LSAMP: variants seen among roughly 807,000 people sequenced by gnomAD.
LSAMP encodes limbic system-associated membrane protein.
In LSAMP, 7 loss-of-function variants were observed where a neutral mutation model predicts 38.6. The observed-to-expected ratio is 0.18, with a 90% CI of 0.10 to 0.34. LSAMP has a LOEUF of 0.34. Ranked by LOEUF, LSAMP falls within the 10% of genes least tolerant of loss-of-function variation. The pLI is 1.00. For missense variants in LSAMP, 313 were observed against 420.0 expected (o/e 0.75, Z 2.23); for synonymous variants, 154 against 166.8 (o/e 0.92, Z 0.59).
chr3:116,066,450 T>C (rs1355511384), intron 2 of LSAMP, among the ~76,000 whole-genome samples: 1 of 152,236 alleles, frequency 6.6e-6, no homozygotes, highest in Non-Finnish European at 1.5e-5. Flanking sequence ...ACTTCACTTG[T>C]AAACTCTTTA....
At chr3:115,871,153 T>C (rs1936021941) in intron 3 of LSAMP, among the ~76,000 whole-genome samples, 1 of 152,166 alleles carries the variant, frequency 6.6e-6, no homozygotes, top group Non-Finnish European at 1.5e-5. Context: ...TTTCTCATTT[T>C]ATGCTGCCTG....
At chr3:116,311,222 G>T (rs1402554540) in intron 1 of LSAMP, among the ~76,000 whole-genome samples, 1 of 151,982 alleles carries the variant, frequency 6.6e-6, no homozygotes, top group Non-Finnish European at 1.5e-5. Flanking sequence ...ATTCCTTCTC[G>T]TTGGAACTAC....
intron 1 of LSAMP, among the ~76,000 whole-genome samples, chr3:116,332,328 A>G (rs2047862468): frequency 6.6e-6 from 1 of 152,168 alleles, no homozygotes; most frequent in African/African-American, 2.4e-5. Context: ...TAAAGATAAA[A>G]TTGTTTGACA....
intron 1 of LSAMP, among the ~76,000 whole-genome samples, chr3:116,244,374 T>C (rs879537760): frequency 6.6e-6 from 1 of 152,212 alleles, no homozygotes; most frequent in Non-Finnish European, 1.5e-5. Flanking sequence ...ATGTCCTGAA[T>C]ATATTTCCCA....
chr3:115,911,510 C>T (rs1405891984), intron 3 of LSAMP, among the ~76,000 whole-genome samples: 1 of 152,054 alleles, frequency 6.6e-6, no homozygotes, highest in Non-Finnish European at 1.5e-5. Context: ...TGCCACCACG[C>T]CTGGCTAATT....
chr3:116,107,588 G>T lies in LSAMP; in HGVS notation c.156-21032C>A, dbSNP rs1313389285. The stretch of plus-strand genomic sequence containing the variant: ...ATTAATCGGACAGGATCAGCAGGGC[G>T]AGCATGTGTGTTTTTAAGAGAATTA... On this transcript the variant is annotated intron_variant, in intron 1 of 6. Coordinates refer to ENST00000490035, the MANE Select transcript of LSAMP (RefSeq NM_002338.5). Among the ~76,000 whole-genome samples the T allele has an allele frequency of 4.6e-5, 7 of 152,158 alleles. No homozygotes were observed. In the South Asian group the frequency reaches 1.2e-3, roughly 27 times the overall value.
chr3:116,162,768 T>TACACACAC (rs71141856), intron 1 of LSAMP, among the ~76,000 whole-genome samples: 2,137 of 147,418 alleles, frequency 0.014, 36 homozygotes, highest in African/African-American at 0.045. Context: ...CACACACTTA[T>TACACACAC]ACACACACAC....
At chr3:116,112,995 C>A in intron 1 of LSAMP, among the ~76,000 whole-genome samples, 1 of 150,270 alleles carries the variant, frequency 6.7e-6, no homozygotes, top group Non-Finnish European at 1.5e-5. Context: ...TAGATTCAGG[C>A]AGATGGAAAA....
Position 116,222,720 on chromosome 3 carries a change from CTTTTTTTTTTTTTTTTTTT to C in LSAMP, c.156-136183_156-136165del, listed in dbSNP as rs71141863. ...TTTTTTGCTCACCTTTCATCCTCTC[CTTTTTTTTTTTTTTTTTTT>C]TTTTTTTTTTTTTTTTTGAGATGGA... On this transcript the variant is annotated intron_variant, in intron 1 of 6. Transcript: ENST00000490035. Among the ~76,000 whole-genome samples, 49 of 49,942 alleles carry C rather than the reference CTTTTTTTTTTTTTTTTTTT, an allele frequency of 9.8e-4. 2 individuals are homozygous for C. The highest frequency in any genetic ancestry group is 0.013 in the Middle Eastern group (1 of 80). 32.8% of individuals were successfully genotyped at this position (49,942 alleles called of 152,430 possible). A position where few individuals can be genotyped will look rare whatever the true frequency, so the allele number is the denominator to read the frequency against.
At chr3:116,157,152 C>A (rs1418749832) in intron 1 of LSAMP, among the ~76,000 whole-genome samples, 1 of 151,992 alleles carries the variant, frequency 6.6e-6, no homozygotes, top group Non-Finnish European at 1.5e-5. Context: ...AACGACTAGG[C>A]AAGTTGTGGG....
chr3:116,281,449 C>T (rs2047124975), intron 1 of LSAMP, among the ~76,000 whole-genome samples: 1 of 152,068 alleles, frequency 6.6e-6, no homozygotes, highest in Non-Finnish European at 1.5e-5. Flanking sequence ...CTGATAAATG[C>T]AAACAGAGGA....
At chr3:115,895,648 G>C (rs1484291976) in intron 3 of LSAMP, among the ~76,000 whole-genome samples, 1 of 152,068 alleles carries the variant, frequency 6.6e-6, no homozygotes, top group Non-Finnish European at 1.5e-5. Context: ...GGAGGGATGA[G>C]TGCATTTAAT....
intron 1 of LSAMP, among the ~76,000 whole-genome samples, chr3:116,337,686 A>T (rs1468097873): frequency 6.6e-6 from 1 of 151,984 alleles, no homozygotes; most frequent in African/African-American, 2.4e-5. Flanking sequence ...GGTCTCCTTG[A>T]CAGTCAAGGA....
chr3:116,349,703 A>G (rs2048111864), intron 1 of LSAMP, among the ~76,000 whole-genome samples: 1 of 152,052 alleles, frequency 6.6e-6, no homozygotes, highest in Admixed American at 6.6e-5. Flanking sequence ...TATATATTAT[A>G]TCTGGTGCTA....
intron 3 of LSAMP, among the ~76,000 whole-genome samples, chr3:115,952,980 T>C (rs1938340541): frequency 6.6e-6 from 1 of 152,218 alleles, no homozygotes; most frequent in Admixed American, 6.5e-5. Context: ...GCAAAGGCAA[T>C]GTTAATTCCA....
rs1356263383 is a variant in LSAMP, at chr3:115,806,180, G to A, written c.*4137C>T. Reference sequence around the variant, plus strand: ...ATAATTACAAAACGGAAAAAGTGGGGCTCTATGTCTTTCTACGTGAGCATA... The same window carrying A: ...ATAATTACAAAACGGAAAAAGTGGGACTCTATGTCTTTCTACGTGAGCATA... On this transcript the variant is annotated 3_prime_UTR_variant, in exon 7 of 7. Coordinates refer to ENST00000490035, the MANE Select transcript of LSAMP (RefSeq NM_002338.5). 6.6e-6 allele frequency: 1 copy of A among 152,058 alleles called. No individual in the cohort carries two copies. The highest frequency in any genetic ancestry group is 1.5e-5 in the Non-Finnish European group (1 of 68,012). 9.4% of individuals were successfully genotyped at this position (152,058 alleles called of 1,614,324 possible). A position where few individuals can be genotyped will look rare whatever the true frequency, so the allele number is the denominator to read the frequency against.
chr3:115,981,262 A>G (rs1260430815), intron 3 of LSAMP, among the ~76,000 whole-genome samples: 14 of 152,160 alleles, frequency 9.2e-5, no homozygotes, highest in Admixed American at 8.5e-4. Context: ...ATGTCAGGAA[A>G]CTAATACCCA....
chr3:116,420,240 G>C (rs1453526845), intron 1 of LSAMP, among the ~76,000 whole-genome samples: 1 of 151,954 alleles, frequency 6.6e-6, no homozygotes, highest in African/African-American at 2.4e-5. Flanking sequence ...TGGGGCTACA[G>C]GCACCTGTCA....
intron 2 of LSAMP, among the ~76,000 whole-genome samples, chr3:116,068,451 AT>A (rs1707515070): frequency 6.6e-6 from 1 of 152,276 alleles, no homozygotes; most frequent in Admixed American, 6.5e-5. Context: ...TAAAAAAAAA[AT>A]AAGTTATTTC....
Sources: allele counts gnomAD v4.1 joint callset (sites outside exome capture counted in the v4.1 genomes callset), GRCh38; gene constraint gnomAD v4.1.1; transcripts MANE v1.5; gene names NCBI Gene and HGNC (gene_info 2026-07-23, HGNC 2026-07-21).